ALDH1A1: variants seen among roughly 807,000 people sequenced by gnomAD.
The protein encoded by ALDH1A1 is aldehyde dehydrogenase 1A1.
Under a neutral mutation model 62.1 loss-of-function variants are expected in ALDH1A1, and 19 were observed. That is an observed-to-expected ratio of 0.31 (90% CI 0.21 to 0.45). The LOEUF is 0.45. Ranked by LOEUF, ALDH1A1 falls within the 20% of genes least tolerant of loss-of-function variation. The probability of loss-of-function intolerance (pLI) is 1.00; values close to 1 mark genes in which losing one functional copy is unlikely to be tolerated. For synonymous variants in ALDH1A1, 231 were observed against 215.9 expected, an observed-to-expected ratio of 1.07 and a Z score of -0.61; for missense variants, 521 against 607.1, an observed-to-expected ratio of 0.86 and a Z score of 1.49.
intron 1 of ALDH1A1, among the ~76,000 whole-genome samples, chr9:72,944,110 G>A (rs1279307534): frequency 6.6e-6 from 1 of 152,064 alleles, no homozygotes; most frequent in Non-Finnish European, 1.5e-5. Flanking sequence ...CCCAGAGAAA[G>A]AAGTTTAGGC....
intron 1 of ALDH1A1, among the ~76,000 whole-genome samples, chr9:72,946,491 C>T (rs1300054876): frequency 6.6e-6 from 1 of 151,940 alleles, no homozygotes; most frequent in African/African-American, 2.4e-5. Flanking sequence ...ACATCCTTCT[C>T]AAGCAATGCT....
chr9:72,941,716 T>C (rs1250466358), intron 1 of ALDH1A1, among the ~76,000 whole-genome samples: 1 of 152,212 alleles, frequency 6.6e-6, no homozygotes, highest in African/African-American at 2.4e-5. Context: ...ATGAATACTC[T>C]ATGACACTTG....
intron 12 of ALDH1A1, among the ~76,000 whole-genome samples, chr9:72,903,345 G>T (rs1341507868): frequency 6.6e-6 from 1 of 151,936 alleles, no homozygotes; most frequent in Non-Finnish European, 1.5e-5. Context: ...ATCAAGATTT[G>T]CATACTCTGT....
chr9:72,940,066 G>A (rs348449), intron 2 of ALDH1A1, 82 bp downstream of exon 2: 946,647 of 987,102 alleles, frequency 0.96, 454,441 homozygotes, highest in Admixed American at 0.98. Context: ...GTCTTTTGGA[G>A]CTTGCAATGG....
At chr9:72,935,546 C>T (rs925743835) in intron 2 of ALDH1A1, among the ~76,000 whole-genome samples, 1 of 152,192 alleles carries the variant, frequency 6.6e-6, no homozygotes, top group African/African-American at 2.4e-5. Flanking sequence ...GTCAAAGGCA[C>T]TTACTTTAAC....
intron 4 of ALDH1A1, 92 bp from the exon 5 acceptor site, chr9:72,927,269 A>T: frequency 1.1e-6 from 1 of 932,446 alleles, no homozygotes; most frequent in South Asian, 1.8e-5. Context: ...GGTGTAGACA[A>T]TAATTTTAAA....
intron 2 of ALDH1A1, among the ~76,000 whole-genome samples, chr9:72,934,551 C>A (rs1564637824): frequency 6.6e-6 from 1 of 152,128 alleles, no homozygotes; most frequent in Non-Finnish European, 1.5e-5. Context: ...CTATCTGACC[C>A]AACTCCTTCT....
chr9:72,907,634 C>A (rs779821654), intron 11 of ALDH1A1, among the ~76,000 whole-genome samples: 1 of 152,184 alleles, frequency 6.6e-6, no homozygotes, highest in African/African-American at 2.4e-5. Flanking sequence ...GAAATGTTCA[C>A]TTGGCAAAAA....
At chr9:72,922,464 G>T (rs182866493) in intron 7 of ALDH1A1, among the ~76,000 whole-genome samples, 3 of 152,230 alleles carry the variant, frequency 2.0e-5, no homozygotes, top group African/African-American at 7.2e-5. Flanking sequence ...AGTAGCTCCT[G>T]GTCCAGATGA....
At chr9:72,934,133 G>GC (rs746101808) in intron 2 of ALDH1A1, among the ~76,000 whole-genome samples, 34 of 152,210 alleles carry the variant, frequency 2.2e-4, no homozygotes, top group Admixed American at 6.5e-5. Context: ...TGTTGTCAAA[G>GC]CTGGTCTAAA....
intron 1 of ALDH1A1, among the ~76,000 whole-genome samples, chr9:72,943,327 A>G (rs974445060): frequency 2.0e-5 from 3 of 152,116 alleles, no homozygotes; most frequent in African/African-American, 4.8e-5. Context: ...TGCTCTCAAT[A>G]TATTATAGCT....
chr9:72,942,822 G>A (rs928420057), intron 1 of ALDH1A1, among the ~76,000 whole-genome samples: 5 of 151,928 alleles, frequency 3.3e-5, no homozygotes, highest in East Asian at 3.9e-4. Context: ...AGCTTACTGC[G>A]TCATCTCCTC....
At chr9:72,905,859 G>A in intron 12 of ALDH1A1, 99 bp downstream of exon 12, 2 of 935,038 alleles carry the variant, frequency 2.1e-6, no homozygotes, top group Non-Finnish European at 1.6e-6. Flanking sequence ...AAGAACAGAG[G>A]CAGGTTTTAT....
chr9:72,913,457 G>A (rs1415262190), intron 9 of ALDH1A1, among the ~76,000 whole-genome samples: 5 of 152,100 alleles, frequency 3.3e-5, no homozygotes, highest in African/African-American at 1.2e-4. Flanking sequence ...CCTGGGTAAG[G>A]TATTCTAGTT....
intron 6 of ALDH1A1, among the ~76,000 whole-genome samples, chr9:72,925,149 A>G (rs1334792089): frequency 6.6e-6 from 1 of 152,228 alleles, no homozygotes; most frequent in Non-Finnish European, 1.5e-5. Context: ...AGTGGCAGGT[A>G]CAAACCAACT....
intron 2 of ALDH1A1, among the ~76,000 whole-genome samples, chr9:72,936,297 G>A (rs1038345619): frequency 1.3e-5 from 2 of 152,162 alleles, no homozygotes; most frequent in African/African-American, 4.8e-5. Context: ...TGCCTGACAA[G>A]GTTTCAACTG....
chr9:72,931,402 A>G (rs1161911330), intron 2 of ALDH1A1, among the ~76,000 whole-genome samples: 1 of 152,226 alleles, frequency 6.6e-6, no homozygotes, highest in East Asian at 1.9e-4. Flanking sequence ...TGAAGAAACT[A>G]AAGCAAAGAG....
intron 2 of ALDH1A1, 70 bp from the exon 3 acceptor site, chr9:72,931,089 C>A: frequency 6.3e-7 from 1 of 1,575,388 alleles, no homozygotes. Flanking sequence ...GCCAATAACC[C>A]TGTAAAATAG....
At chr9:72,942,467 G>C (rs1279574708) in intron 1 of ALDH1A1, 1 of 754,408 alleles carries the variant, frequency 1.3e-6, no homozygotes, top group East Asian at 1.3e-4. Flanking sequence ...TTCTATACAA[G>C]TATAAAAAAG....
Sources: gnomAD v4.1 joint callset for allele counts (sites outside exome capture counted in the v4.1 genomes callset) on GRCh38, gnomAD v4.1.1 for gene constraint, MANE v1.5 for transcripts, NCBI Gene and HGNC (gene_info 2026-07-23, HGNC 2026-07-21) for gene names.